The following SUN1 variants were observed in gnomAD, a reference collection of about 807,000 sequenced individuals.
The protein encoded by SUN1 is SUN domain-containing protein 1.
SUN1 carries 61 observed loss-of-function variants against 103.2 expected under a neutral mutation model. The observed-to-expected ratio is 0.59, with a 90% CI of 0.48 to 0.73. The LOEUF (loss-of-function observed/expected upper bound fraction) is 0.73. Ranked by LOEUF, SUN1 falls within the 30% of genes least tolerant of loss-of-function variation. The probability of loss-of-function intolerance (pLI) is 0.00; values close to 1 mark genes in which losing one functional copy is unlikely to be tolerated. For synonymous variants in SUN1, 490 were observed against 425.7 expected (o/e 1.15, Z -1.86); for missense variants, 1,052 against 1,034.6 (o/e 1.02, Z -0.23).
intron 12 of SUN1, among the ~76,000 whole-genome samples, chr7:856,613 G>GGACC (rs1304560955): frequency 6.6e-6 from 1 of 152,176 alleles, no homozygotes; most frequent in Non-Finnish European, 1.5e-5. Context: ...CACGCGGCGT[G>GGACC]GACCTCTGTA....
At chr7:842,379 G>A (rs1810941478) in intron 3 of SUN1, 1 of 525,098 alleles carries the variant, frequency 1.9e-6, no homozygotes, top group South Asian at 2.6e-5. Context: ...TTGTCGGGTG[G>A]TCATTGGGTT....
rs760495364 is a variant in SUN1 at position 863,557 on chromosome 7, G to A, written c.1864+2093G>A. Among the ~76,000 whole-genome samples, 10 of 152,058 alleles carry A rather than the reference G, an allele frequency of 6.6e-5. 1 individual carries two copies. Among genetic ancestry groups the A allele is most frequent in the Non-Finnish European group, 1.2e-4 (8 of 68,036 alleles). ...TCAGCGTTTTTAAATGTACAGCTCC[G>A]TGGCTATTAACATATTCGCGGTGCA... On this transcript the variant is annotated intron_variant, in intron 15 of 18. Coordinates refer to ENST00000401592, the MANE Select transcript of SUN1 (RefSeq NM_001130965.3).
At chr7:822,636 G>A (rs889775007) in intron 1 of SUN1, among the ~76,000 whole-genome samples, 1 of 135,002 alleles carries the variant, frequency 7.4e-6, no homozygotes, top group Non-Finnish European at 1.6e-5. Flanking sequence ...AAACTGAAAA[G>A]TATTCACCTT....
Position 861,241 on chromosome 7 carries a change from G to C in SUN1, c.1780-139G>C, listed in dbSNP as rs892538372. On this transcript the variant is annotated intron_variant, in intron 14 of 18. Coordinates refer to ENST00000401592, the MANE Select transcript of SUN1 (RefSeq NM_001130965.3). ...GGACTGGAGTGTGGAGTTGACTTCTGCCATGCCTAGGAACCCTACATAGTT... is the reference window on the plus strand; with the variant it reads ...GGACTGGAGTGTGGAGTTGACTTCTCCCATGCCTAGGAACCCTACATAGTT... 6 of 804,260 alleles carry C rather than the reference G, an allele frequency of 7.5e-6. No individual in the cohort carries two copies. The African/African-American group carries it at 1.0e-4, about 14-fold the overall frequency. 49.8% of individuals were successfully genotyped at this position (804,260 alleles called of 1,614,324 possible).
chr7:852,022 T>C lies in SUN1; in HGVS notation c.830T>C (p.Leu277Pro). The C allele has an allele frequency of 6.2e-7, 1 of 1,614,148 alleles. No individual in the cohort carries two copies. The highest frequency in any genetic ancestry group is 8.5e-7 in the Non-Finnish European group (1 of 1,179,974). Residue 277 changes from leucine (L) to proline (P), a missense_variant, in exon 7 of 19, where the codon CTG (leucine) becomes CCG (proline). This residue lies in a region of SUN1 where 846 missense variants were observed against 774.5 expected (regional missense o/e 1.09). Coordinates refer to ENST00000401592, the MANE Select transcript of SUN1 (RefSeq NM_001130965.3). Reference sequence around the variant, plus strand: ...CAGTTTGTTACTTTGATTTCTTGGCTGAATGTGTTTCTTCTTACCAGGTAA... The same window carrying C: ...CAGTTTGTTACTTTGATTTCTTGGCCGAATGTGTTTCTTCTTACCAGGTAA... The part of the protein sequence containing the change: ...WYQFVTLISW[L>P]NVFLLTRCLR...
chr7:861,851 A>G (rs990332735), intron 15 of SUN1, among the ~76,000 whole-genome samples: 2 of 152,242 alleles, frequency 1.3e-5, no homozygotes, highest in Non-Finnish European at 2.9e-5. Flanking sequence ...CCGAGAGCAG[A>G]AGCAGGCTAA....
At chr7:855,911 G>A (rs1237866947) in intron 11 of SUN1, among the ~76,000 whole-genome samples, 2 of 152,216 alleles carry the variant, frequency 1.3e-5, no homozygotes. Flanking sequence ...TCCTCTGTCT[G>A]CCTGCCCTGG....
At chr7:854,052 T>C (rs1824729937) in intron 10 of SUN1, among the ~76,000 whole-genome samples, 1 of 152,180 alleles carries the variant, frequency 6.6e-6, no homozygotes, top group Non-Finnish European at 1.5e-5. Context: ...TCCCACCCAC[T>C]GCAGGGATCG....
upstream of SUN1, chr7:832,015 T>C (rs1798445935): frequency 2.0e-6 from 2 of 987,388 alleles, no homozygotes; most frequent in South Asian, 4.7e-5. Context: ...TTATTCACCC[T>C]GCAGTTTCTT....
intron 17 of SUN1, 76 bp downstream of exon 17, chr7:869,592 C>T (rs756305391): frequency 4.3e-5 from 66 of 1,542,866 alleles, no homozygotes; most frequent in Non-Finnish European, 5.5e-5. Context: ...GTGACGTGAG[C>T]GCACTGGGGA....
chr7:826,112 C>T (rs1443393259), intron 1 of SUN1, among the ~76,000 whole-genome samples: 2 of 152,048 alleles, frequency 1.3e-5, no homozygotes, highest in Admixed American at 6.6e-5. Context: ...GTGACGCGCC[C>T]CTGTGGTCCC....
intron 11 of SUN1, 21 bp downstream of exon 11, chr7:855,027 G>C (rs60228151): frequency 6.4e-7 from 1 of 1,571,428 alleles, no homozygotes; most frequent in East Asian, 2.2e-5. Context: ...TTGACCTTAC[G>C]CTTTTTTAAA....
chr7:829,934 T>G (rs971663395), upstream of SUN1, among the ~76,000 whole-genome samples: 2 of 152,272 alleles, frequency 1.3e-5, no homozygotes, highest in Admixed American at 6.5e-5. Context: ...GCCTGAGTGC[T>G]TGTCACCTGT....
intron 16 of SUN1, among the ~76,000 whole-genome samples, chr7:868,298 G>A (rs937397474): frequency 3.3e-5 from 5 of 152,248 alleles, no homozygotes; most frequent in African/African-American, 9.6e-5. Flanking sequence ...GCTGTGCTGC[G>A]AACAGTGCTC....
chr7:852,988 A>G (rs777783403), intron 9 of SUN1, 36 bp downstream of exon 9: 3 of 1,589,544 alleles, frequency 1.9e-6, no homozygotes, highest in Non-Finnish European at 2.6e-6. Flanking sequence ...CTGGCACTGC[A>G]CATGTGAGGT....
upstream of SUN1, chr7:832,415 G>A: frequency 9.3e-7 from 1 of 1,073,372 alleles, no homozygotes; most frequent in Non-Finnish European, 1.4e-6. Context: ...GAGTTGAGTT[G>A]CGTGTAGGCA....
At chr7:872,685 C>A (rs928424481) in intron 18 of SUN1, 123 bp downstream of exon 18, 1 of 722,298 alleles carries the variant, frequency 1.4e-6, no homozygotes, top group African/African-American at 1.8e-5. Context: ...AAAATGTTAA[C>A]CTGCGCTTCC....
In SUN1 at chr7:840,316, G is replaced by C. The variant is rs1342302048; in HGVS notation, c.266+1330G>C. ...GAGGACCAGCAGATCCCATTGGGTAGCTCCGTGTCAAGCACCCAGTTACCA... is the reference window on the plus strand; with the variant it reads ...GAGGACCAGCAGATCCCATTGGGTACCTCCGTGTCAAGCACCCAGTTACCA... On this transcript the variant is annotated intron_variant, in intron 2 of 18. Transcript: ENST00000401592. 2.6e-5 allele frequency among the ~76,000 whole-genome samples: 4 copies of C among 152,250 alleles called. No homozygotes were observed. The East Asian group carries it at 7.7e-4, about 29-fold the overall frequency.
At chr7:836,851 T>C (rs1803757504) in intron 1 of SUN1, among the ~76,000 whole-genome samples, 1 of 152,122 alleles carries the variant, frequency 6.6e-6, no homozygotes, top group Admixed American at 6.5e-5. Context: ...AGGAGGCAGT[T>C]TTCTGATGGC....
Sources: allele counts gnomAD v4.1 joint callset (sites outside exome capture counted in the v4.1 genomes callset), GRCh38; gene constraint gnomAD v4.1.1; regional missense constraint gnomAD v4.1.1; transcripts MANE v1.5; gene names NCBI Gene and HGNC (gene_info 2026-07-23, HGNC 2026-07-21).